CRACD: variants seen among roughly 807,000 people sequenced by gnomAD.
The protein encoded by CRACD is capping protein-inhibiting regulator of actin dynamics.
Under a neutral mutation model 106.8 loss-of-function variants are expected in CRACD, and 56 were observed. That is an observed-to-expected ratio of 0.52 (90% CI 0.42 to 0.66). The LOEUF (loss-of-function observed/expected upper bound fraction) is 0.66. CRACD is among the 30% of genes least tolerant of loss of function. The pLI, the probability that CRACD is intolerant of heterozygous loss-of-function variation, is 0.00. For synonymous variants in CRACD, 754 were observed against 670.8 expected, an observed-to-expected ratio of 1.12 and a Z score of -1.92; for missense variants, 1,730 against 1,623.2, an observed-to-expected ratio of 1.07 and a Z score of -1.13.
In CRACD at chr4:56,330,005, C is replaced by T. The variant is rs1746702674; in HGVS notation, c.*2201C>T. ...GGGCAGTCACAATACTTACTTCTAACAGCTTCTAAAGGGTACATGTTTAAC... is the reference window on the plus strand; with the variant it reads ...GGGCAGTCACAATACTTACTTCTAATAGCTTCTAAAGGGTACATGTTTAAC... On this transcript the variant is annotated 3_prime_UTR_variant, in exon 11 of 11. Coordinates refer to ENST00000682029, the MANE Select transcript of CRACD (RefSeq NM_001393381.1). Among the ~76,000 whole-genome samples, 1 of 152,164 alleles carries T rather than the reference C, an allele frequency of 6.6e-6. No individual in the cohort carries two copies. Among genetic ancestry groups the T allele is most frequent in the Non-Finnish European group, 1.5e-5 (1 of 68,032 alleles).
At chr4:56,205,823 G>A (rs1008628631) in intron 2 of CRACD, among the ~76,000 whole-genome samples, 3 of 152,030 alleles carry the variant, frequency 2.0e-5, no homozygotes, top group African/African-American at 7.3e-5. Flanking sequence ...AGATTTGTTT[G>A]TCATTTTTAA....
intron 3 of CRACD, among the ~76,000 whole-genome samples, chr4:56,286,525 C>CAAAAAAAAAAAAAAACAAA (rs1743356683): frequency 1.1e-5 from 1 of 89,382 alleles, no homozygotes; most frequent in Non-Finnish European, 2.2e-5. Context: ...GACTCCGTCT[C>CAAAAAAAAAAAAAAACAAA]AAAAAAAAAA....
At chr4:56,262,671 C>T (rs1478184111) in intron 2 of CRACD, among the ~76,000 whole-genome samples, 2 of 152,124 alleles carry the variant, frequency 1.3e-5, no homozygotes, top group Admixed American at 6.5e-5. Context: ...ATACCAATCA[C>T]GTTGAAACAA....
chr4:56,279,858 G>A (rs182477767), intron 3 of CRACD, among the ~76,000 whole-genome samples: 26 of 152,206 alleles, frequency 1.7e-4, no homozygotes, highest in Admixed American at 7.2e-4. Context: ...GTTTATTGCG[G>A]CACTATTCCC....
rs182797541 is a variant in CRACD at position 56,161,066 on chromosome 4, A to C, written c.-335-18218A>C. Among the ~76,000 whole-genome samples, 709 of 152,334 alleles carry C rather than the reference A, an allele frequency of 4.7e-3. 1 individual carries two copies. Among genetic ancestry groups the C allele is most frequent in the African/African-American group, 0.016 (677 of 41,570 alleles). On this transcript the variant is annotated intron_variant, in intron 1 of 10. Coordinates refer to ENST00000682029, the MANE Select transcript of CRACD (RefSeq NM_001393381.1). ...CTAAATAAGATTTGTAGTTTTAAAA[A>C]AACTCATTAATGTCTTTAAAGAAAG...
intron 2 of CRACD, among the ~76,000 whole-genome samples, chr4:56,202,614 T>A (rs990515233): frequency 2.0e-5 from 3 of 152,204 alleles, no homozygotes; most frequent in Non-Finnish European, 2.9e-5. Flanking sequence ...AACAAAGTAT[T>A]GTCAAGTAGA....
intron 1 of CRACD, among the ~76,000 whole-genome samples, chr4:56,078,261 T>C (rs1432346545): frequency 5.3e-5 from 8 of 152,202 alleles, no homozygotes; most frequent in Non-Finnish European, 1.2e-4. Context: ...GACTATTGAA[T>C]CAGGAAATTA....
Position 56,082,335 on chromosome 4 carries a change from T to C in CRACD, c.-336+33036T>C, listed in dbSNP as rs569370063. 5.3e-4 allele frequency among the ~76,000 whole-genome samples: 80 copies of C among 152,094 alleles called. 1 individual carries two copies. Among genetic ancestry groups the C allele is most frequent in the African/African-American group, 1.9e-3 (78 of 41,504 alleles). On this transcript the variant is annotated intron_variant, in intron 1 of 10. Coordinates refer to ENST00000682029, the MANE Select transcript of CRACD (RefSeq NM_001393381.1). ...ATCCAAAAGATGAGTGAGGACCAGA[T>C]TGTATAGGAGTTTGGATTAGGTGCT... is the stretch of plus-strand genomic sequence containing the variant.
At chr4:56,128,024 A>C (rs1317677267) in intron 1 of CRACD, among the ~76,000 whole-genome samples, 7 of 152,122 alleles carry the variant, frequency 4.6e-5, no homozygotes, top group Admixed American at 4.6e-4. Context: ...CTTTTAGTGG[A>C]AGACATTGAT....
At chr4:56,281,896 A>G (rs560627325) in intron 3 of CRACD, among the ~76,000 whole-genome samples, 1 of 152,270 alleles carries the variant, frequency 6.6e-6, no homozygotes, top group African/African-American at 2.4e-5. Context: ...TGAGATTCCA[A>G]ACTTTCCTCC....
At chr4:56,324,936 A>G (rs1347863509) in intron 10 of CRACD, among the ~76,000 whole-genome samples, 3 of 152,026 alleles carry the variant, frequency 2.0e-5, no homozygotes, top group Non-Finnish European at 4.4e-5. Context: ...ACTTACCCTG[A>G]TTGATCATTA....
At chr4:56,221,552 A>T (rs1475809974) in intron 2 of CRACD, among the ~76,000 whole-genome samples, 1 of 152,254 alleles carries the variant, frequency 6.6e-6, no homozygotes, top group Non-Finnish European at 1.5e-5. Flanking sequence ...AGAAATAATC[A>T]TCAGAGTAAA....
chr4:56,109,128 A>G (rs1438038193), intron 1 of CRACD, among the ~76,000 whole-genome samples: 1 of 152,220 alleles, frequency 6.6e-6, no homozygotes, highest in Non-Finnish European at 1.5e-5. Context: ...AGCGGCCCTT[A>G]TGCGGGCGTG....
At chr4:56,246,508 T>A (rs1167898691) in intron 2 of CRACD, 1 of 152,260 alleles carries the variant, frequency 6.6e-6, no homozygotes, top group African/African-American at 2.4e-5. Context: ...GAATTAGAAC[T>A]ATGTCCAAAG....
At chr4:56,263,090 C>A (rs886974824) in intron 2 of CRACD, among the ~76,000 whole-genome samples, 7 of 152,148 alleles carry the variant, frequency 4.6e-5, no homozygotes, top group African/African-American at 1.7e-4. Flanking sequence ...CTACCACACT[C>A]TTTGTGCTGT....
chr4:56,254,155 A>G (rs1741208253), intron 2 of CRACD, among the ~76,000 whole-genome samples: 1 of 152,156 alleles, frequency 6.6e-6, no homozygotes, highest in Non-Finnish European at 1.5e-5. Context: ...ATTGTCTAAG[A>G]TTTAGTCTGG....
At chr4:56,085,697 A>G (rs10006976) in intron 1 of CRACD, among the ~76,000 whole-genome samples, 54,773 of 152,058 alleles carry the variant, frequency 0.36, 11,492 homozygotes, top group African/African-American at 0.58. Flanking sequence ...ACAAAAGCAG[A>G]TCACGGGCTG....
rs186123847 is a variant in CRACD at position 56,197,782 on chromosome 4, G to A, written c.-189+18352G>A. 1.8e-3 allele frequency among the ~76,000 whole-genome samples: 273 copies of A among 151,846 alleles called. 5 individuals carry two copies. Among genetic ancestry groups the A allele is most frequent in the African/African-American group, 1.6e-3 (67 of 41,404 alleles). On this transcript the variant is annotated intron_variant, in intron 2 of 10. Transcript: ENST00000682029. ...AAGCTCCTCCTCCCGGGTTCACGCC[G>A]TTCTCCTGCCTCAGCCATCCAAGTA...
intron 1 of CRACD, among the ~76,000 whole-genome samples, chr4:56,139,764 GA>G (rs907558696): frequency 5.1e-4 from 78 of 151,830 alleles, no homozygotes; most frequent in African/African-American, 1.8e-3. Flanking sequence ...TTACTTAAGA[GA>G]AAAAAAATGC....
Sources: gnomAD v4.1 joint callset for allele counts (sites outside exome capture counted in the v4.1 genomes callset) on GRCh38, gnomAD v4.1.1 for gene constraint, MANE v1.5 for transcripts, NCBI Gene and HGNC (gene_info 2026-07-23, HGNC 2026-07-21) for gene names.